HYDIN: variants seen among roughly 807,000 people sequenced by gnomAD.
The protein encoded by HYDIN is HYDIN axonemal central pair apparatus protein, also known as axonemal central pair apparatus protein HYDIN.
Under a neutral mutation model 403.9 loss-of-function variants are expected in HYDIN, and 132 were observed. The observed-to-expected ratio is 0.33, with a 90% CI of 0.28 to 0.38. HYDIN has a LOEUF of 0.38. HYDIN is among the 10% of genes least tolerant of loss of function. The probability of loss-of-function intolerance (pLI) is 1.00; values close to 1 mark genes in which losing one functional copy is unlikely to be tolerated. For missense variants in HYDIN, 2,827 were observed against 5,009.5 expected (o/e 0.56, Z 13.15); for synonymous variants, 1,202 against 1,891.7 (o/e 0.64, Z 9.46).
chr16:71,071,213 C>T (rs2082458570), intron 13 of HYDIN, among the ~76,000 whole-genome samples: 1 of 144,604 alleles, frequency 6.9e-6, no homozygotes, highest in Non-Finnish European at 1.5e-5. Context: ...AGACTGCTTC[C>T]TTAAAGCCAG....
intron 23 of HYDIN, among the ~76,000 whole-genome samples, chr16:71,009,421 G>A (rs570618895): frequency 5.4e-5 from 8 of 148,070 alleles, no homozygotes; most frequent in East Asian, 3.9e-4. Context: ...CAGGATTACC[G>A]TTGCTTACAA....
At chr16:71,222,463 A>G (rs2040847610) in intron 1 of HYDIN, among the ~76,000 whole-genome samples, 1 of 152,188 alleles carries the variant, frequency 6.6e-6, no homozygotes, top group Admixed American at 6.6e-5. Flanking sequence ...TTTATTTGAC[A>G]TAATACTGGA....
At chr16:71,107,299 A>T (rs908081301) in intron 10 of HYDIN, among the ~76,000 whole-genome samples, 16 of 151,346 alleles carry the variant, frequency 1.1e-4, no homozygotes, top group Middle Eastern at 3.4e-3. Context: ...AAAGCATAAT[A>T]AAAAACAAGT....
intron 32 of HYDIN, 97 bp downstream of exon 32, chr16:70,974,437 C>G: frequency 6.9e-7 from 1 of 1,450,392 alleles, no homozygotes. Flanking sequence ...TTAGCTGATC[C>G]CAGAGGCACA....
At chr16:71,053,276 G>C (rs1323487489) in intron 18 of HYDIN, among the ~76,000 whole-genome samples, 1 of 152,118 alleles carries the variant, frequency 6.6e-6, no homozygotes, top group Non-Finnish European at 1.5e-5. Flanking sequence ...AACATCTAAT[G>C]AGGTTGAAAA....
intron 7 of HYDIN, among the ~76,000 whole-genome samples, chr16:71,145,718 C>T (rs2085342958): frequency 6.6e-6 from 1 of 152,102 alleles, no homozygotes. Flanking sequence ...ATCAAGAGAG[C>T]ACAAATGCAC....
intron 65 of HYDIN, among the ~76,000 whole-genome samples, chr16:70,869,596 A>C (rs2039978494): frequency 7.2e-6 from 1 of 139,324 alleles, no homozygotes; most frequent in African/African-American, 2.7e-5. Context: ...CTTGACTCTC[A>C]TTTTTCTCTC....
At chr16:71,191,698 C>A (rs2087446450) in intron 1 of HYDIN, among the ~76,000 whole-genome samples, 1 of 152,116 alleles carries the variant, frequency 6.6e-6, no homozygotes, top group Admixed American at 6.5e-5. Flanking sequence ...GCAGCTATTT[C>A]TCTTCCTGCC....
At chr16:71,228,700 T>A (rs1196204004) in intron 1 of HYDIN, among the ~76,000 whole-genome samples, 1 of 152,216 alleles carries the variant, frequency 6.6e-6, no homozygotes. Context: ...ACTTTTACAC[T>A]GTTGGTGGGA....
chr16:70,858,770 C>G (rs556402171), intron 71 of HYDIN, among the ~76,000 whole-genome samples: 1 of 152,326 alleles, frequency 6.6e-6, no homozygotes, highest in African/African-American at 2.4e-5. Context: ...TGGAACCGAG[C>G]TCACATTTGA....
At chr16:71,043,841 C>A (rs2081365237) in intron 18 of HYDIN, among the ~76,000 whole-genome samples, 1 of 151,182 alleles carries the variant, frequency 6.6e-6, no homozygotes, top group South Asian at 2.1e-4. Context: ...GTAATCCCAG[C>A]ACTTTGGGAG....
chr16:70,930,642 C>T (rs548401693), intron 45 of HYDIN, among the ~76,000 whole-genome samples: 42 of 152,316 alleles, frequency 2.8e-4, no homozygotes, highest in Admixed American at 1.6e-3. Flanking sequence ...CAGCCTAAAT[C>T]TCTGGCTGGC....
intron 1 of HYDIN, among the ~76,000 whole-genome samples, chr16:71,207,183 C>G (rs1167447549): frequency 6.6e-6 from 1 of 152,172 alleles, no homozygotes; most frequent in East Asian, 1.9e-4. Flanking sequence ...AGATAAAGGA[C>G]AGGTCACCTA....
intron 5 of HYDIN, among the ~76,000 whole-genome samples, chr16:71,174,134 C>T (rs914417223): frequency 2.0e-5 from 3 of 152,048 alleles, no homozygotes; most frequent in Admixed American, 6.5e-5. Context: ...TCAGTAGAAC[C>T]TCAAACAAAA....
intron 9 of HYDIN, among the ~76,000 whole-genome samples, chr16:71,128,128 A>C (rs2084547205): frequency 6.6e-6 from 1 of 152,142 alleles, no homozygotes; most frequent in South Asian, 2.1e-4. Context: ...TCTCTCAAGA[A>C]GCCTTCTCCA....
intron 1 of HYDIN, among the ~76,000 whole-genome samples, chr16:71,219,741 T>G (rs559742495): frequency 1.5e-4 from 23 of 152,306 alleles, no homozygotes; most frequent in Admixed American, 1.2e-3. Context: ...GATATGTCAA[T>G]TTTCCTCACC....
intron 22 of HYDIN, 144 bp downstream of exon 22, chr16:71,020,030 T>G: frequency 1.6e-6 from 1 of 609,192 alleles, no homozygotes. Context: ...CATTTTAAAT[T>G]TTCTGTAGTC....
chr16:71,152,486 T>C (rs535518242), intron 7 of HYDIN, among the ~76,000 whole-genome samples, 173 bp downstream of exon 7: 4 of 151,576 alleles, frequency 2.6e-5, no homozygotes, highest in Non-Finnish European at 5.9e-5. Flanking sequence ...CTGTACTCAG[T>C]GTGTAGTCTT....
At chr16:70,831,583 T>C (rs1448043232) in intron 80 of HYDIN, among the ~76,000 whole-genome samples, 1 of 99,110 alleles carries the variant, frequency 1.0e-5, no homozygotes. Flanking sequence ...AGCCGGTGAG[T>C]AGGAAGAAAC....
Sources: allele counts gnomAD v4.1 joint callset (sites outside exome capture counted in the v4.1 genomes callset), GRCh38; gene constraint gnomAD v4.1.1; transcripts MANE v1.5; gene names NCBI Gene and HGNC (gene_info 2026-07-23, HGNC 2026-07-21).